Variants in ZNF76 observed in about 807,000 individuals in gnomAD.
The protein encoded by ZNF76 is zinc finger protein 76, also known as zinc finger protein 523.
ZNF76 carries 66 observed loss-of-function variants against 66.9 expected under a neutral mutation model. The observed-to-expected ratio is 0.99, with a 90% CI of 0.81 to 1.21. ZNF76 has a LOEUF of 1.21. ZNF76 is among the 50% of genes most tolerant of loss of function. ZNF76 has a pLI of 0.00. For synonymous variants in ZNF76, 275 were observed against 296.1 expected (o/e 0.93, Z 0.73); for missense variants, 729 against 760.3 (o/e 0.96, Z 0.48).
chr6:35,273,842 C>T (rs188917891), intron 1 of ZNF76, among the ~76,000 whole-genome samples: 11 of 131,196 alleles, frequency 8.4e-5, no homozygotes, highest in African/African-American at 2.9e-4. Context: ...TTTTAAATGG[C>T]GCTTCTTCTT....
At chr6:35,275,817 G>C (rs1383741215) in intron 1 of ZNF76, among the ~76,000 whole-genome samples, 1 of 152,222 alleles carries the variant, frequency 6.6e-6, no homozygotes, top group East Asian at 1.9e-4. Context: ...GTGGCTACCA[G>C]CTATTCCCTT....
chr6:35,284,981 G>A (rs1789337297), intron 2 of ZNF76, among the ~76,000 whole-genome samples: 2 of 152,230 alleles, frequency 1.3e-5, no homozygotes, highest in East Asian at 3.8e-4. Context: ...AAAGTGTTGG[G>A]ATTATAGGCA....
Position 35,292,867 on chromosome 6 carries a change from C to T in ZNF76, c.1166-14C>T. ...ATCTGGTAGCAGATGTCAGCCTTGG[C>T]TCTCCTCTCCCAGCCGCCTCTGCAG... On this transcript the variant is annotated splice_polypyrimidine_tract_variant and intron_variant, in intron 10 of 13. Transcript: ENST00000373953. This position sits in a 1 kb window ranked among gnomAD's most constrained non-coding sequence, Gnocchi z 4.7. The T allele has an allele frequency of 2.5e-6, 4 of 1,613,966 alleles. No homozygotes were observed. The highest frequency in any genetic ancestry group is 3.4e-6 in the Non-Finnish European group (4 of 1,179,944).
In ZNF76 at chr6:35,287,491, G is replaced by A. The variant is rs185947612; in HGVS notation, c.233-155G>A. On this transcript the variant is annotated intron_variant, in intron 4 of 13. Transcript: ENST00000373953. This position sits in a 1 kb window ranked among gnomAD's most constrained non-coding sequence, Gnocchi z 4.0. ...CTTAGGTGAGACAGCTGCAGAAGGA[G>A]GGCCAGCAAGAGTGAATCACAAAGT... 6.6e-6 allele frequency among the ~76,000 whole-genome samples: 1 copy of A among 152,282 alleles called. No homozygotes were observed. Among genetic ancestry groups the A allele is most frequent in the African/African-American group, 2.4e-5 (1 of 41,538 alleles).
At chr6:35,272,698 G>A (rs1787281633) in intron 1 of ZNF76, among the ~76,000 whole-genome samples, 1 of 152,176 alleles carries the variant, frequency 6.6e-6, no homozygotes, top group Non-Finnish European at 1.5e-5. Flanking sequence ...AAGTGCAGTG[G>A]CACAATCATG....
intron 1 of ZNF76, among the ~76,000 whole-genome samples, chr6:35,263,522 T>C (rs1785550844): frequency 6.6e-6 from 1 of 152,210 alleles, no homozygotes; most frequent in Non-Finnish European, 1.5e-5. Flanking sequence ...AGGTCTCTTA[T>C]AATGTACTTA....
chr6:35,264,014 G>A (rs1005762692), intron 1 of ZNF76, among the ~76,000 whole-genome samples: 1 of 152,194 alleles, frequency 6.6e-6, no homozygotes, highest in African/African-American at 2.4e-5. Flanking sequence ...GCCTCCCAAA[G>A]TGCTAGGATT....
At chr6:35,294,776 T>G (rs1790942407) in intron 13 of ZNF76, 1 of 615,358 alleles carries the variant, frequency 1.6e-6, no homozygotes, top group East Asian at 2.8e-5. Context: ...CTTCTGGCCT[T>G]CAGGATAACT....
chr6:35,286,762 T>A, intron 4 of ZNF76: 1 of 322,446 alleles, frequency 3.1e-6, no homozygotes, highest in Non-Finnish European at 5.9e-6. Flanking sequence ...TGCTGAAGAA[T>A]AACAATTTAT....
At chr6:35,278,109 A>G (rs1295402913) in intron 1 of ZNF76, among the ~76,000 whole-genome samples, 2 of 151,724 alleles carry the variant, frequency 1.3e-5, no homozygotes, top group African/African-American at 4.8e-5. Context: ...GCCCGCCTCA[A>G]CTTCTCAAAG....
At chr6:35,268,886 G>A (rs1786559494) in intron 1 of ZNF76, among the ~76,000 whole-genome samples, 1 of 151,896 alleles carries the variant, frequency 6.6e-6, no homozygotes, top group African/African-American at 2.4e-5. Flanking sequence ...TCCTAAAGCT[G>A]CCAACAAACT....
intron 1 of ZNF76, among the ~76,000 whole-genome samples, chr6:35,264,817 A>G (rs1246579935): frequency 6.6e-6 from 1 of 152,114 alleles, no homozygotes; most frequent in Non-Finnish European, 1.5e-5. Flanking sequence ...TGGGAATTGT[A>G]ACATCCTGGC....
chr6:35,277,652 C>T (rs1319616224), intron 1 of ZNF76, among the ~76,000 whole-genome samples: 3 of 152,196 alleles, frequency 2.0e-5, no homozygotes, highest in East Asian at 3.8e-4. Flanking sequence ...ATTGTTAGAA[C>T]TAAATGAGTT....
Position 35,287,640 on chromosome 6 carries a change from C to G in ZNF76, c.233-6C>G. 1 of 1,604,944 alleles carries G rather than the reference C, an allele frequency of 6.2e-7. No individual in the cohort carries two copies. The highest frequency in any genetic ancestry group is 8.5e-7 in the Non-Finnish European group (1 of 1,174,696). On this transcript the variant is annotated splice_region_variant and splice_polypyrimidine_tract_variant and intron_variant, in intron 4 of 13. Transcript: ENST00000373953. The surrounding 1 kb of genome is among the most constrained non-coding windows in gnomAD (Gnocchi z 4.0). ...GGCATCAGGGCTAACCGCGTGTTCC[C>G]TGCAGAAGGCTATGACCCCAGCACC...
At chr6:35,274,752 C>T (rs1347880935) in intron 1 of ZNF76, among the ~76,000 whole-genome samples, 1 of 152,200 alleles carries the variant, frequency 6.6e-6, no homozygotes, top group African/African-American at 2.4e-5. Flanking sequence ...AATGTTCTCT[C>T]TCCTCAATAA....
intron 1 of ZNF76, among the ~76,000 whole-genome samples, chr6:35,277,343 C>A (rs6457812): frequency 0.67 from 101,546 of 152,082 alleles, 37,421 homozygotes; most frequent in Non-Finnish European, 0.82. Flanking sequence ...ACCAGTGGTT[C>A]TTCACCATTA....
intron 1 of ZNF76, among the ~76,000 whole-genome samples, chr6:35,263,058 A>G (rs1483055314): frequency 1.3e-5 from 2 of 152,010 alleles, no homozygotes; most frequent in Non-Finnish European, 1.5e-5. Flanking sequence ...TTGTGCATCT[A>G]TCTCCAGGGC....
Position 35,292,964 on chromosome 6 carries a change from A to C in ZNF76, c.1249A>C (p.Ile417Leu). 1 of 1,614,198 alleles carries C rather than the reference A, an allele frequency of 6.2e-7. No homozygotes were observed. The change falls in exon 11 of 14, where the codon ATC becomes CTC. Residue 417 changes from isoleucine to leucine, a missense_variant. Ile to Leu is a conservative substitution (Grantham distance 5). Transcript: ENST00000373953. This position sits in a 1 kb window ranked among gnomAD's most constrained non-coding sequence, Gnocchi z 4.7. ...GGAGGTGAAGGAAGAGAGAGATGAC[A>C]TCCCAGCCCAGGTGGCGATGGTGAC... ...LSEVKEERDD[I>L]PAQVAMVTEE...
chr6:35,266,797 C>CTTTTTTTTTTTTTT (rs57833954), intron 1 of ZNF76, among the ~76,000 whole-genome samples: 2 of 93,280 alleles, frequency 2.1e-5, no homozygotes, highest in Non-Finnish European at 3.8e-5. Flanking sequence ...TTGTCTATTT[C>CTTTTTTTTTTTTTT]TTTTTTTTTT....
Sources: gnomAD v4.1 joint callset for allele counts (sites outside exome capture counted in the v4.1 genomes callset) on GRCh38, gnomAD v4.1.1 for gene constraint, Gnocchi (gnomAD v3.1) non-coding constraint, MANE v1.5 for transcripts, NCBI Gene and HGNC (gene_info 2026-07-23, HGNC 2026-07-21) for gene names.